Variants in ABHD18 observed in about 807,000 individuals in gnomAD.
ABHD18 encodes the protein cardiolipin-specific deacylase, mitochondrial.
ABHD18 carries 55 observed loss-of-function variants against 65.9 expected under a neutral mutation model. The observed-to-expected ratio is 0.84, with a 90% CI of 0.67 to 1.05. ABHD18 has a LOEUF of 1.05. Ranked by LOEUF, ABHD18 falls within the 50% of genes least tolerant of loss-of-function variation. ABHD18 has a pLI of 0.00. For synonymous variants in ABHD18, 181 were observed against 180.2 expected, an observed-to-expected ratio of 1.00 and a Z score of -0.04; for missense variants, 533 against 558.5, an observed-to-expected ratio of 0.95 and a Z score of 0.46.
At chr4:127,995,723 A>C (rs1751629586) in intron 4 of ABHD18, among the ~76,000 whole-genome samples, 1 of 152,202 alleles carries the variant, frequency 6.6e-6, no homozygotes, top group African/African-American at 2.4e-5. Context: ...CAGGGAAAAT[A>C]ATACTTTAAT....
chr4:127,974,188 GTTTTTTTTTTTTT>G (rs34967150), intron 1 of ABHD18, among the ~76,000 whole-genome samples: 2 of 101,488 alleles, frequency 2.0e-5, no homozygotes, highest in Admixed American at 1.0e-4. Context: ...CTTAAGTTCT[GTTTTTTTTTTTTT>G]TTTTTTTTTT....
Position 128,008,992 on chromosome 4 carries a change from A to G in ABHD18, c.351A>G (p.Gly117=), listed in dbSNP as rs770823501. 3.9e-5 allele frequency: 63 copies of G among 1,609,776 alleles called. No homozygotes were observed. The highest frequency in any genetic ancestry group is 5.3e-5 in the Non-Finnish European group (62 of 1,178,404). ...RPVCIHLAGT[G]DHHYWRRRTL... is the part of the protein sequence containing the mutation. ...TATGCATTCATCTTGCTGGAACAGG[A>G]GATCATGTAAGACTTTATTATAATG... The change falls in exon 5 of 13, where the codon GGA becomes GGG. Residue 117 remains glycine (G), a synonymous_variant. Coordinates refer to ENST00000645843, the MANE Select transcript of ABHD18 (RefSeq NM_001358451.3).
At chr4:128,016,500 C>A (rs1168012218) in intron 7 of ABHD18, among the ~76,000 whole-genome samples, 2 of 152,044 alleles carry the variant, frequency 1.3e-5, no homozygotes, top group Non-Finnish European at 2.9e-5. Flanking sequence ...TAAGACTGGG[C>A]GTGGTGGCTC....
intron 6 of ABHD18, among the ~76,000 whole-genome samples, chr4:128,010,322 G>A (rs2149135254): frequency 6.6e-6 from 1 of 152,262 alleles, no homozygotes; most frequent in Middle Eastern, 3.4e-3. Context: ...CTGAGGTCAG[G>A]AGTTCGAGAC....
At position 128,008,903 on chromosome 4, in the gene ABHD18, T is replaced by G; in HGVS notation, c.279-17T>G. 1 of 1,578,840 alleles carries G rather than the reference T, an allele frequency of 6.3e-7. No individual in the cohort carries two copies. Among genetic ancestry groups the G allele is most frequent in the Non-Finnish European group, 8.6e-7 (1 of 1,158,976 alleles). ...TTAAAGAGAATTTTATTGATAAGTC[T>G]ATGCTTTTAAAAATAGGTTCCAATT... On this transcript the variant is annotated splice_polypyrimidine_tract_variant and intron_variant, in intron 4 of 12. Coordinates refer to ENST00000645843, the MANE Select transcript of ABHD18 (RefSeq NM_001358451.3).
At position 128,009,005 on chromosome 4, in the gene ABHD18, C is replaced by T. The variant is rs1416291330; in HGVS notation, c.357+7C>T. The stretch of plus-strand genomic sequence containing the variant: ...TGCTGGAACAGGAGATCATGTAAGA[C>T]TTTATTATAATGCCTTAATCTCTAG... On this transcript the variant is annotated splice_region_variant and intron_variant, in intron 5 of 12. Transcript: ENST00000645843. 1.2e-6 allele frequency: 2 copies of T among 1,606,908 alleles called. No homozygotes were observed. The highest frequency in any genetic ancestry group is 2.2e-5 in the South Asian group (2 of 89,022).
chr4:128,003,258 C>T (rs1752991458), intron 4 of ABHD18, among the ~76,000 whole-genome samples: 1 of 151,446 alleles, frequency 6.6e-6, no homozygotes, highest in South Asian at 2.1e-4. Context: ...GTCCCAGCTA[C>T]ACAGGAGGCT....
chr4:127,998,597 T>G (rs1205802581), intron 4 of ABHD18, among the ~76,000 whole-genome samples: 1 of 151,134 alleles, frequency 6.6e-6, no homozygotes, highest in African/African-American at 2.4e-5. Context: ...GGTCTCAAAC[T>G]CCTGGACTGA....
intron 4 of ABHD18, among the ~76,000 whole-genome samples, chr4:128,008,672 G>A (rs1754053197): frequency 6.6e-6 from 1 of 152,036 alleles, no homozygotes; most frequent in East Asian, 1.9e-4. Context: ...ATTGAACAAG[G>A]TAAAGAATAG....
chr4:128,011,478 G>GT (rs1329774858), intron 6 of ABHD18, among the ~76,000 whole-genome samples, 195 bp from the exon 7 acceptor site: 1 of 124,336 alleles, frequency 8.0e-6, no homozygotes, highest in Middle Eastern at 4.5e-3. Flanking sequence ...CAGTAAAGCT[G>GT]GTTTTTTTTT....
At chr4:128,010,556 A>T (rs1347079210) in intron 6 of ABHD18, among the ~76,000 whole-genome samples, 3 of 151,524 alleles carry the variant, frequency 2.0e-5, no homozygotes, top group Non-Finnish European at 4.4e-5. Context: ...AGGAAATAGG[A>T]TATAAAACTC....
Position 128,030,533 on chromosome 4 carries a change from A to G in ABHD18, c.1204A>G (p.Ile402Val), listed in dbSNP as rs1043191062. 2.5e-6 allele frequency: 4 copies of G among 1,586,110 alleles called. No homozygotes were observed. The highest frequency in any genetic ancestry group is 1.2e-5 in the South Asian group (1 of 85,398). Residue 402 changes from isoleucine (I) to valine (V), a missense_variant, in exon 12 of 13, where the codon ATA becomes GTA. Around this residue, in one of 3 missense-constraint regions of ABHD18, gnomAD observed 220 missense variants for 226.8 expected, o/e 0.97. Coordinates refer to ENST00000645843, the MANE Select transcript of ABHD18 (RefSeq NM_001358451.3). ...FSVPVDPSLIIVVQAKEDAYI... is the reference protein window; with the variant it reads ...FSVPVDPSLIVVVQAKEDAYI... Reference sequence around the variant, plus strand: ...AGTCCCAGTTGATCCAAGCCTCATTATAGTGGTTCAAGCCAAAGAAGATGC... The same window carrying G: ...AGTCCCAGTTGATCCAAGCCTCATTGTAGTGGTTCAAGCCAAAGAAGATGC...
chr4:127,999,547 A>C (rs951636499), intron 4 of ABHD18, among the ~76,000 whole-genome samples: 1 of 152,218 alleles, frequency 6.6e-6, no homozygotes, highest in Non-Finnish European at 1.5e-5. Flanking sequence ...AAGGCTACCT[A>C]TCAGGTACTA....
At chr4:127,971,254 CAAAA>C (rs1295767524) in intron 1 of ABHD18, among the ~76,000 whole-genome samples, 8 of 74,510 alleles carry the variant, frequency 1.1e-4, no homozygotes, top group Admixed American at 4.6e-4. Flanking sequence ...GACCCTGTCT[CAAAA>C]AAAAAAAAAA....
intron 1 of ABHD18, among the ~76,000 whole-genome samples, chr4:127,970,605 A>G (rs1473409845): frequency 7.9e-5 from 12 of 151,346 alleles, no homozygotes; most frequent in East Asian, 3.9e-4. Context: ...AAAAAAAAAA[A>G]AAAAAGAAAG....
At position 128,013,064 on chromosome 4, in the gene ABHD18, C is replaced by CAA. The variant is rs1199459823; in HGVS notation, c.470+1385_470+1386dup. Among the ~76,000 whole-genome samples, 373 of 59,952 alleles carry CAA rather than the reference C, an allele frequency of 6.2e-3. 1 individual carries two copies. The highest frequency in any genetic ancestry group is 0.027 in the East Asian group (59 of 2,192). 39.3% of individuals were successfully genotyped at this position (59,952 alleles called of 152,430 possible). A position where few individuals can be genotyped will look rare whatever the true frequency, so the allele number is the denominator to read the frequency against. On this transcript the variant is annotated intron_variant, in intron 7 of 12. Coordinates refer to ENST00000645843, the MANE Select transcript of ABHD18 (RefSeq NM_001358451.3). The stretch of plus-strand genomic sequence containing the variant: ...TAGACGACAGAGCAAGACTCCATCC[C>CAA]AAAAAAAAAAAAAAAAAAAAAAGAC...
intron 4 of ABHD18, among the ~76,000 whole-genome samples, chr4:128,008,555 G>A (rs986467314): frequency 5.9e-5 from 9 of 151,952 alleles, no homozygotes; most frequent in Admixed American, 1.3e-4. Context: ...GATTGCAGGC[G>A]TGAGCCACCG....
At chr4:127,991,332 T>C (rs1381539727) in intron 4 of ABHD18, among the ~76,000 whole-genome samples, 1 of 152,214 alleles carries the variant, frequency 6.6e-6, no homozygotes, top group African/African-American at 2.4e-5. Flanking sequence ...GTTCAGGTGA[T>C]TCTCCTGCTG....
At chr4:128,004,739 C>T (rs919972712) in intron 4 of ABHD18, among the ~76,000 whole-genome samples, 1 of 127,346 alleles carries the variant, frequency 7.9e-6, no homozygotes, top group African/African-American at 3.0e-5. Flanking sequence ...GGCGAAACCT[C>T]GTCTCTACTA....
Sources: allele counts gnomAD v4.1 joint callset (sites outside exome capture counted in the v4.1 genomes callset), GRCh38; gene constraint gnomAD v4.1.1; regional missense constraint gnomAD v4.1.1; transcripts MANE v1.5; gene names NCBI Gene and HGNC (gene_info 2026-07-23, HGNC 2026-07-21).